RIMS1: variants seen among roughly 807,000 people sequenced by gnomAD.
RIMS1 encodes the protein regulating synaptic membrane exocytosis 1.
RIMS1 carries 83 observed loss-of-function variants against 214.1 expected under a neutral mutation model. That is an observed-to-expected ratio of 0.39 (90% CI 0.32 to 0.47). The LOEUF (loss-of-function observed/expected upper bound fraction) is 0.47. Among genes scored for constraint, RIMS1 ranks in the 20% least tolerant of loss-of-function variants. The probability of loss-of-function intolerance (pLI) is 0.99; values close to 1 mark genes in which losing one functional copy is unlikely to be tolerated. For synonymous variants in RIMS1, 793 were observed against 786.8 expected, an observed-to-expected ratio of 1.01 and a Z score of -0.13; for missense variants, 2,050 against 2,161.8, an observed-to-expected ratio of 0.95 and a Z score of 1.03.
At chr6:72,135,401 G>A (rs1203125260) in intron 4 of RIMS1, among the ~76,000 whole-genome samples, 10 of 152,104 alleles carry the variant, frequency 6.6e-5, no homozygotes, top group East Asian at 1.9e-4. Flanking sequence ...AAGAACATTT[G>A]AATTCACCTC....
chr6:72,250,823 TTAAAA>T (rs1171784889), intron 13 of RIMS1, 93 bp from the exon 14 acceptor site: 57 of 663,504 alleles, frequency 8.6e-5, no homozygotes, highest in Middle Eastern at 8.5e-4. Flanking sequence ...GAGTTATTAG[TTAAAA>T]TAATATAAAT....
chr6:72,333,353 T>C (rs1397939922), intron 28 of RIMS1, among the ~76,000 whole-genome samples: 2 of 151,906 alleles, frequency 1.3e-5, no homozygotes, highest in African/African-American at 2.4e-5. Flanking sequence ...CACTTATTTT[T>C]ACAATCTTTA....
At chr6:72,375,016 C>T (rs1227470423) in intron 29 of RIMS1, among the ~76,000 whole-genome samples, 2 of 152,126 alleles carry the variant, frequency 1.3e-5, no homozygotes, top group African/African-American at 2.4e-5. Flanking sequence ...TGTCAGGAGG[C>T]GGAGCTCAGG....
chr6:72,050,611 G>A (rs1300583455), intron 2 of RIMS1, among the ~76,000 whole-genome samples: 3 of 152,072 alleles, frequency 2.0e-5, no homozygotes, highest in African/African-American at 7.2e-5. Flanking sequence ...TCCCTGCCTT[G>A]TCCTCCTAGT....
chr6:72,131,523 CA>C (rs1285441143), intron 4 of RIMS1, among the ~76,000 whole-genome samples: 1 of 151,600 alleles, frequency 6.6e-6, no homozygotes, highest in East Asian at 1.9e-4. Context: ...TAGGGACTTT[CA>C]AAAGGGGAGG....
At chr6:72,337,832 C>T (rs2096898799) in intron 29 of RIMS1, among the ~76,000 whole-genome samples, 2 of 148,008 alleles carry the variant, frequency 1.4e-5, no homozygotes, top group Admixed American at 6.9e-5. Context: ...TGAGTGAGAA[C>T]ATGCAGTGTT....
chr6:71,967,198 C>T (rs758674861), intron 1 of RIMS1, among the ~76,000 whole-genome samples: 57 of 152,074 alleles, frequency 3.7e-4, no homozygotes, highest in Non-Finnish European at 6.3e-4. Context: ...ACCATCCTGG[C>T]TAACATGGTG....
At chr6:72,312,792 G>A (rs2095577572) in intron 27 of RIMS1, among the ~76,000 whole-genome samples, 1 of 152,090 alleles carries the variant, frequency 6.6e-6, no homozygotes, top group African/African-American at 2.4e-5. Context: ...AGAAATGTTA[G>A]AGACACTATA....
intron 6 of RIMS1, among the ~76,000 whole-genome samples, chr6:72,216,040 A>C (rs78911643): frequency 1.3e-5 from 2 of 152,214 alleles, no homozygotes; most frequent in Admixed American, 1.3e-4. Flanking sequence ...TTGATTTTTC[A>C]GCAAATAATC....
intron 29 of RIMS1, among the ~76,000 whole-genome samples, chr6:72,389,072 G>T (rs576692953): frequency 2.0e-5 from 3 of 152,264 alleles, no homozygotes; most frequent in Admixed American, 1.3e-4. Context: ...GAAAGCAAAA[G>T]GTCTGAGGCC....
intron 4 of RIMS1, among the ~76,000 whole-genome samples, chr6:72,155,588 C>T (rs2044331996): frequency 7.1e-6 from 1 of 141,156 alleles, no homozygotes; most frequent in Non-Finnish European, 1.6e-5. Context: ...CTGGGGAAGC[C>T]CCACAATCAT....
At chr6:72,129,881 A>G (rs2040177753) in intron 4 of RIMS1, among the ~76,000 whole-genome samples, 1 of 152,156 alleles carries the variant, frequency 6.6e-6, no homozygotes, top group African/African-American at 2.4e-5. Flanking sequence ...CTGGTAGGTC[A>G]CAGTGCAAAA....
chr6:72,287,525 G>A (rs1321914780), intron 24 of RIMS1, among the ~76,000 whole-genome samples: 3 of 151,976 alleles, frequency 2.0e-5, no homozygotes, highest in Admixed American at 6.6e-5. Context: ...TAAATGTTTA[G>A]ATACATACTT....
chr6:71,996,833 A>G (rs544488412), intron 2 of RIMS1, among the ~76,000 whole-genome samples: 4 of 152,312 alleles, frequency 2.6e-5, no homozygotes, highest in Admixed American at 2.0e-4. Context: ...CTGCAAAGAT[A>G]CTTTATACTC....
intron 11 of RIMS1, among the ~76,000 whole-genome samples, chr6:72,246,707 G>A (rs997778336): frequency 6.6e-6 from 1 of 152,136 alleles, no homozygotes; most frequent in African/African-American, 2.4e-5. Context: ...GGTGGACCCA[G>A]TTTTGGCTTT....
intron 4 of RIMS1, among the ~76,000 whole-genome samples, chr6:72,154,354 C>A (rs1423545642): frequency 7.2e-6 from 1 of 139,772 alleles, no homozygotes; most frequent in African/African-American, 2.5e-5. Context: ...TTAGTTATGC[C>A]TAGGACATAT....
At chr6:72,065,149 T>A (rs1300541493) in intron 2 of RIMS1, among the ~76,000 whole-genome samples, 2 of 152,166 alleles carry the variant, frequency 1.3e-5, no homozygotes, top group African/African-American at 4.8e-5. Flanking sequence ...TGGATTAACA[T>A]GGAGCAAAAA....
intron 16 of RIMS1, among the ~76,000 whole-genome samples, chr6:72,254,686 A>G (rs1163688813): frequency 2.0e-5 from 3 of 152,170 alleles, no homozygotes; most frequent in Non-Finnish European, 4.4e-5. Context: ...GCTTGCACAA[A>G]TGATGAGTTT....
intron 6 of RIMS1, among the ~76,000 whole-genome samples, chr6:72,231,826 A>G (rs937160862): frequency 6.6e-6 from 1 of 151,644 alleles, no homozygotes; most frequent in Non-Finnish European, 1.5e-5. Flanking sequence ...TCACGAATAT[A>G]TGTATCTCAT....
Sources: allele counts gnomAD v4.1 joint callset (sites outside exome capture counted in the v4.1 genomes callset), GRCh38; gene constraint gnomAD v4.1.1; transcripts MANE v1.5; gene names NCBI Gene and HGNC (gene_info 2026-07-23, HGNC 2026-07-21).